Variants in SLC24A2 observed in about 807,000 individuals in gnomAD.
SLC24A2 encodes solute carrier family 24 member 2.
Under a neutral mutation model 62.0 loss-of-function variants are expected in SLC24A2, and 36 were observed. The ratio of observed to expected loss-of-function variants is 0.58; its 90% CI spans 0.44 to 0.77. SLC24A2 has a LOEUF of 0.77. SLC24A2 is among the 30% of genes least tolerant of loss of function. SLC24A2 has a pLI of 0.00. For synonymous variants in SLC24A2, 358 were observed against 294.0 expected, an observed-to-expected ratio of 1.22 and a Z score of -2.23; for missense variants, 846 against 817.9, an observed-to-expected ratio of 1.03 and a Z score of -0.42.
At chr9:20,170,193 T>C in the SLC24A2 span, among the ~76,000 whole-genome samples, 2 of 151,018 alleles carry the variant, frequency 1.3e-5, no homozygotes, top group Non-Finnish European at 1.5e-5. Flanking sequence ...TCTGGGATTA[T>C]GTTAAACAAC....
chr9:19,794,425 G>T, the SLC24A2 span, among the ~76,000 whole-genome samples: 1 of 152,010 alleles, frequency 6.6e-6, no homozygotes, highest in African/African-American at 2.4e-5. Flanking sequence ...CACAAAGAAG[G>T]GAACAATAAA....
intron 4 of SLC24A2, among the ~76,000 whole-genome samples, chr9:19,610,783 G>C (rs1837136414): frequency 6.6e-6 from 1 of 152,210 alleles, no homozygotes; most frequent in South Asian, 2.1e-4. Flanking sequence ...CCCTTTGACA[G>C]GGCATGGATT....
Position 19,550,273 on chromosome 9 carries a change from G to C in SLC24A2, c.1348-5C>G. The C allele has an allele frequency of 6.2e-7, 1 of 1,613,792 alleles. No individual in the cohort carries two copies. Among genetic ancestry groups the C allele is most frequent in the Admixed American group, 1.7e-5 (1 of 59,996 alleles). On this transcript the variant is annotated splice_polypyrimidine_tract_variant and splice_region_variant and intron_variant, in intron 7 of 10. Coordinates refer to ENST00000341998, the MANE Select transcript of SLC24A2 (RefSeq NM_020344.4). ...GTCCTCCTCCTCATCAGCGGTCTGT[G>C]GTAGAAAAAGAGGTAAAATTAAACA...
chr9:19,725,247 G>C (rs10811229), intron 2 of SLC24A2, among the ~76,000 whole-genome samples: 2 of 151,918 alleles, frequency 1.3e-5, no homozygotes, highest in Non-Finnish European at 2.9e-5. Flanking sequence ...AATGGTGCTC[G>C]GGCTGAGAAA....
At chr9:19,737,388 C>T (rs907429595) in intron 2 of SLC24A2, among the ~76,000 whole-genome samples, 1 of 152,068 alleles carries the variant, frequency 6.6e-6, no homozygotes, top group Non-Finnish European at 1.5e-5. Context: ...ATGAAACATG[C>T]ATGGGTGTTC....
At chr9:19,640,772 T>G (rs1489166434) in intron 2 of SLC24A2, among the ~76,000 whole-genome samples, 1 of 152,194 alleles carries the variant, frequency 6.6e-6, no homozygotes, top group East Asian at 1.9e-4. Flanking sequence ...AATAAGCAGC[T>G]GGTTCATGAG....
the SLC24A2 span, among the ~76,000 whole-genome samples, chr9:20,305,220 G>T: frequency 6.7e-6 from 1 of 150,188 alleles, no homozygotes; most frequent in African/African-American, 2.5e-5. Flanking sequence ...TGATTCTCCT[G>T]CCTCAGCCTC....
At chr9:19,934,774 C>T in the SLC24A2 span, among the ~76,000 whole-genome samples, 1 of 152,316 alleles carries the variant, frequency 6.6e-6, no homozygotes, top group African/African-American at 2.4e-5. This position sits in a 1 kb window ranked among gnomAD's most constrained non-coding sequence, Gnocchi z 4.1. Flanking sequence ...TCGCCAGCCT[C>T]TACAGAGTAA....
At chr9:20,006,583 T>C in the SLC24A2 span, among the ~76,000 whole-genome samples, 4 of 152,048 alleles carry the variant, frequency 2.6e-5, no homozygotes, top group East Asian at 7.7e-4. Flanking sequence ...ATATACCCCA[T>C]AAATATACAA....
chr9:19,909,712 A>T, the SLC24A2 span, among the ~76,000 whole-genome samples: 1 of 152,192 alleles, frequency 6.6e-6, no homozygotes, highest in East Asian at 1.9e-4. Context: ...CATCTTCACA[A>T]AGGTAAATTT....
At chr9:19,621,542 C>A (rs919784995) in intron 3 of SLC24A2, among the ~76,000 whole-genome samples, 1 of 152,078 alleles carries the variant, frequency 6.6e-6, no homozygotes, top group Non-Finnish European at 1.5e-5. Context: ...ATTTTAGGAG[C>A]AAACTTAGGA....
chr9:19,572,067 C>G (rs184824590), intron 7 of SLC24A2, among the ~76,000 whole-genome samples: 1 of 148,356 alleles, frequency 6.7e-6, no homozygotes, highest in Non-Finnish European at 1.5e-5. Flanking sequence ...GTCAGAAGTT[C>G]GAGACCAGCC....
At chr9:20,038,805 G>T in the SLC24A2 span, among the ~76,000 whole-genome samples, 3 of 152,186 alleles carry the variant, frequency 2.0e-5, no homozygotes, top group African/African-American at 7.2e-5. Context: ...ATAATAGAAG[G>T]AGTAAAACCA....
At chr9:19,531,187 T>G (rs1224916151) in intron 8 of SLC24A2, among the ~76,000 whole-genome samples, 1 of 152,234 alleles carries the variant, frequency 6.6e-6, no homozygotes, top group East Asian at 1.9e-4. Context: ...GTTTCCTAAC[T>G]GTTGAACTAC....
intron 2 of SLC24A2, among the ~76,000 whole-genome samples, chr9:19,721,774 G>A (rs561695679): frequency 1.3e-5 from 2 of 152,128 alleles, no homozygotes; most frequent in East Asian, 3.9e-4. Flanking sequence ...TTTGAGAATA[G>A]TTTCATCCTA....
At chr9:20,269,858 T>C in the SLC24A2 span, among the ~76,000 whole-genome samples, 1 of 152,236 alleles carries the variant, frequency 6.6e-6, no homozygotes, top group Non-Finnish European at 1.5e-5. Context: ...TACCTGGTCT[T>C]AGTCTGTTTT....
At chr9:19,605,429 T>C (rs1378135721) in intron 4 of SLC24A2, among the ~76,000 whole-genome samples, 1 of 152,202 alleles carries the variant, frequency 6.6e-6, no homozygotes, top group Non-Finnish European at 1.5e-5. Context: ...TCCTTCTCAT[T>C]GTACAAAGGA....
chr9:20,269,875 C>T, the SLC24A2 span, among the ~76,000 whole-genome samples: 10 of 152,162 alleles, frequency 6.6e-5, no homozygotes, highest in Non-Finnish European at 1.3e-4. Flanking sequence ...TTTTGTGTTG[C>T]TATAACAGAA....
the SLC24A2 span, among the ~76,000 whole-genome samples, chr9:20,072,798 G>C: frequency 6.6e-6 from 1 of 152,020 alleles, no homozygotes; most frequent in African/African-American, 2.4e-5. Context: ...AGCTGAAGAA[G>C]GCAAGGAAAC....
Sources: allele counts gnomAD v4.1 joint callset (sites outside exome capture counted in the v4.1 genomes callset), GRCh38; gene constraint gnomAD v4.1.1; non-coding constraint Gnocchi (gnomAD v3.1); transcripts MANE v1.5; gene names NCBI Gene and HGNC (gene_info 2026-07-23, HGNC 2026-07-21).